Variants in PCDH11Y observed in about 807,000 individuals in gnomAD.
The protein encoded by PCDH11Y is protocadherin 11 Y-linked, also known as protocadherin-11 Y-linked.
For missense variants in PCDH11Y, 12 were observed against 224.8 expected (o/e 0.05, Z 6.05); for synonymous variants, 9 against 83.6 (o/e 0.11, Z 4.87).
At chrY:5,326,642 G>A in intron 2 of PCDH11Y, among the ~76,000 whole-genome samples, 1 of 32,596 alleles carries the variant, frequency 3.1e-5, no homozygotes, top group Non-Finnish European at 7.5e-5. Flanking sequence ...TGGGGGTCAG[G>A]TGTGGTATCA....
intron 2 of PCDH11Y, among the ~76,000 whole-genome samples, chrY:5,137,977 T>C: frequency 3.1e-5 from 1 of 32,393 alleles, no homozygotes; most frequent in East Asian, 8.3e-4. Flanking sequence ...ATACATTTTT[T>C]TTCAGCACAT....
At chrY:5,136,731 T>A in intron 2 of PCDH11Y, among the ~76,000 whole-genome samples, 1 of 32,946 alleles carries the variant, frequency 3.0e-5, no homozygotes. Flanking sequence ...GAAATAACTT[T>A]AGAGTTCAAT....
intron 2 of PCDH11Y, among the ~76,000 whole-genome samples, chrY:5,456,150 G>A: frequency 3.0e-5 from 1 of 32,955 alleles, no homozygotes; most frequent in Non-Finnish European, 7.5e-5. Flanking sequence ...ATAGGCAAAG[G>A]ACATGAACAG....
intron 1 of PCDH11Y, among the ~76,000 whole-genome samples, chrY:5,063,801 C>A: frequency 3.2e-5 from 1 of 30,983 alleles, no homozygotes; most frequent in East Asian, 8.7e-4. Context: ...TGGTCTTTTG[C>A]TTGCACAAAT....
intron 2 of PCDH11Y, among the ~76,000 whole-genome samples, chrY:5,134,985 C>T: frequency 3.0e-5 from 1 of 33,856 alleles, no homozygotes; most frequent in African/African-American, 1.2e-4. Context: ...AACCTACCTT[C>T]GATCACACAT....
At chrY:5,244,111 G>C (rs2124655867) in intron 2 of PCDH11Y, among the ~76,000 whole-genome samples, 1 of 33,490 alleles carries the variant, frequency 3.0e-5, no homozygotes, top group East Asian at 8.0e-4. Context: ...TCAGGTCTAA[G>C]AAATTTTCTT....
intron 2 of PCDH11Y, among the ~76,000 whole-genome samples, chrY:5,242,528 C>G: frequency 4.0e-5 from 1 of 24,783 alleles, no homozygotes; most frequent in Non-Finnish European, 9.0e-5. Flanking sequence ...GTGATTAACA[C>G]AAAATAGTAA....
chrY:5,605,855 A>G, intron 4 of PCDH11Y, among the ~76,000 whole-genome samples: 1 of 30,422 alleles, frequency 3.3e-5, no homozygotes, highest in African/African-American at 1.3e-4. Flanking sequence ...TGTCGAGATC[A>G]TTAGTGCTGA....
At chrY:5,082,384 G>T in intron 1 of PCDH11Y, among the ~76,000 whole-genome samples, 3 of 32,946 alleles carry the variant, frequency 9.1e-5, no homozygotes, top group Non-Finnish European at 1.5e-4. Context: ...GTATAAGAAT[G>T]ATGCTGGCCT....
At chrY:5,595,955 C>T (rs2053467031) in intron 4 of PCDH11Y, among the ~76,000 whole-genome samples, 79 of 30,570 alleles carry the variant, frequency 2.6e-3, no homozygotes, top group African/African-American at 9.4e-3. Context: ...AACATTCTTC[C>T]TTTACTTTGT....
intron 2 of PCDH11Y, among the ~76,000 whole-genome samples, chrY:5,132,699 G>T: frequency 3.2e-5 from 1 of 31,718 alleles, no homozygotes; most frequent in Non-Finnish European, 7.7e-5. Flanking sequence ...TCTAATGTGG[G>T]CATGTTCAAA....
At chrY:5,220,770 G>A in intron 2 of PCDH11Y, among the ~76,000 whole-genome samples, 1 of 20,002 alleles carries the variant, frequency 5.0e-5, no homozygotes, top group Non-Finnish European at 1.1e-4. Flanking sequence ...AGGCTGGAGT[G>A]CAATGGTGCA....
At chrY:5,600,007 A>T in intron 4 of PCDH11Y, among the ~76,000 whole-genome samples, 1 of 31,370 alleles carries the variant, frequency 3.2e-5, no homozygotes. Context: ...TACTTTGTTA[A>T]ATTTTAAATT....
At chrY:5,344,868 G>A (rs2053150379) in intron 2 of PCDH11Y, among the ~76,000 whole-genome samples, 1 of 33,479 alleles carries the variant, frequency 3.0e-5, no homozygotes, top group Non-Finnish European at 7.4e-5. Flanking sequence ...GGGTTTCACC[G>A]TCTTGGCCAG....
chrY:5,516,674 A>G (rs2124689635), intron 3 of PCDH11Y, among the ~76,000 whole-genome samples: 1 of 32,673 alleles, frequency 3.1e-5, no homozygotes, highest in South Asian at 6.6e-4. Context: ...GTGAATCTGC[A>G]AGTCATTTTA....
At chrY:5,002,922 G>T in intron 1 of PCDH11Y, among the ~76,000 whole-genome samples, 1 of 35,172 alleles carries the variant, frequency 2.8e-5, no homozygotes, top group South Asian at 6.1e-4. Flanking sequence ...CTTGGCAGGG[G>T]CAGCCCCTCC....
chrY:5,687,306 T>C, intron 4 of PCDH11Y, among the ~76,000 whole-genome samples: 1 of 31,073 alleles, frequency 3.2e-5, no homozygotes, highest in Non-Finnish European at 7.8e-5. Flanking sequence ...CTCAATACAC[T>C]ACAAAAATTT....
chrY:5,123,022 A>G (rs1602871626), intron 2 of PCDH11Y, among the ~76,000 whole-genome samples: 13 of 32,989 alleles, frequency 3.9e-4, no homozygotes, highest in African/African-American at 1.4e-3. Flanking sequence ...AATGGTAACT[A>G]TAGTGATTCT....
At chrY:5,273,182 A>G in intron 2 of PCDH11Y, among the ~76,000 whole-genome samples, 1 of 34,225 alleles carries the variant, frequency 2.9e-5, no homozygotes, top group South Asian at 6.5e-4. Context: ...AATGATTTAG[A>G]GGAAAGTAAC....
Sources: gnomAD v4.1 joint callset for allele counts (sites outside exome capture counted in the v4.1 genomes callset) on GRCh38, gnomAD v4.1.1 for gene constraint, MANE v1.5 for transcripts, NCBI Gene and HGNC (gene_info 2026-07-23, HGNC 2026-07-21) for gene names.